The following LRRC4C variants were observed in gnomAD, a reference collection of about 807,000 sequenced individuals.
LRRC4C encodes leucine rich repeat containing 4C, also known as leucine-rich repeat-containing protein 4C.
In LRRC4C, 5 loss-of-function variants were observed where a neutral mutation model predicts 33.6. The observed-to-expected ratio is 0.15, with a 90% CI of 0.08 to 0.31. The LOEUF (loss-of-function observed/expected upper bound fraction) is 0.31. LRRC4C is among the 10% of genes least tolerant of loss of function. LRRC4C has a pLI of 1.00. For synonymous variants in LRRC4C, 329 were observed against 302.0 expected (o/e 1.09, Z -0.93); for missense variants, 560 against 796.7 (o/e 0.70, Z 3.58).
intron 3 of LRRC4C, among the ~76,000 whole-genome samples, chr11:40,439,294 T>C (rs1227379434): frequency 6.6e-6 from 1 of 151,804 alleles, no homozygotes; most frequent in Non-Finnish European, 1.5e-5. Context: ...AAACTAGAAA[T>C]AACAAAGTAG....
intron 2 of LRRC4C, among the ~76,000 whole-genome samples, chr11:40,788,815 C>T (rs1161898700): frequency 1.3e-5 from 2 of 151,980 alleles, no homozygotes; most frequent in African/African-American, 4.8e-5. Flanking sequence ...CATATTAGGC[C>T]GGGCACGGTG....
intron 2 of LRRC4C, among the ~76,000 whole-genome samples, chr11:40,812,237 G>T (rs1023945624): frequency 6.6e-6 from 1 of 152,064 alleles, no homozygotes; most frequent in African/African-American, 2.4e-5. Flanking sequence ...AAGCACATGG[G>T]TTTTCAAATC....
At chr11:41,136,403 A>G (rs1230040718) in intron 1 of LRRC4C, among the ~76,000 whole-genome samples, 2 of 152,294 alleles carry the variant, frequency 1.3e-5, no homozygotes, top group Non-Finnish European at 1.5e-5. Flanking sequence ...GATGAACAAA[A>G]GAGATGGGGA....
At chr11:40,753,705 G>T (rs1456469042) in intron 2 of LRRC4C, among the ~76,000 whole-genome samples, 2 of 151,134 alleles carry the variant, frequency 1.3e-5, no homozygotes, top group African/African-American at 4.9e-5. Flanking sequence ...TTTCCTATTG[G>T]GTATTCTAAA....
At chr11:41,154,349 G>C (rs1431424605) in intron 1 of LRRC4C, among the ~76,000 whole-genome samples, 4 of 152,116 alleles carry the variant, frequency 2.6e-5, no homozygotes, top group African/African-American at 9.6e-5. Context: ...ATCTTCATCT[G>C]TACCACCTCT....
chr11:41,087,553 T>A (rs569511793), intron 1 of LRRC4C, among the ~76,000 whole-genome samples: 3 of 152,094 alleles, frequency 2.0e-5, no homozygotes, highest in Admixed American at 6.6e-5. Flanking sequence ...GGTTTTGAAT[T>A]CCTGGCCTCA....
At chr11:40,636,553 A>G (rs1234991581) in intron 3 of LRRC4C, among the ~76,000 whole-genome samples, 1 of 152,202 alleles carries the variant, frequency 6.6e-6, no homozygotes, top group East Asian at 1.9e-4. Flanking sequence ...AAATGGCACT[A>G]GGATTTAACT....
intron 1 of LRRC4C, among the ~76,000 whole-genome samples, chr11:41,317,668 T>C (rs891653187): frequency 1.3e-5 from 2 of 152,058 alleles, no homozygotes; most frequent in Non-Finnish European, 2.9e-5. Flanking sequence ...GGACCCGTCA[T>C]TTGGAGGAAC....
At chr11:41,162,870 A>G (rs927068091) in intron 1 of LRRC4C, among the ~76,000 whole-genome samples, 2 of 152,306 alleles carry the variant, frequency 1.3e-5, no homozygotes, top group East Asian at 1.9e-4. Context: ...TATTAATTGA[A>G]AAACATCATT....
chr11:41,256,650 T>C (rs1948810778), intron 1 of LRRC4C, among the ~76,000 whole-genome samples: 1 of 152,016 alleles, frequency 6.6e-6, no homozygotes, highest in African/African-American at 2.4e-5. Context: ...TTTTGGACAA[T>C]AGAGGAACAT....
At chr11:40,367,792 A>G (rs1948276478) in intron 3 of LRRC4C, among the ~76,000 whole-genome samples, 1 of 152,070 alleles carries the variant, frequency 6.6e-6, no homozygotes, top group Non-Finnish European at 1.5e-5. Context: ...TTTTCTCCAC[A>G]GCAGTTATCT....
chr11:41,007,698 A>T (rs538553860), intron 1 of LRRC4C, among the ~76,000 whole-genome samples: 37 of 152,284 alleles, frequency 2.4e-4, no homozygotes, highest in South Asian at 2.3e-3. Flanking sequence ...ATAGATTTTT[A>T]AAAATGTAGA....
chr11:41,252,948 A>G (rs1005325395), intron 1 of LRRC4C, among the ~76,000 whole-genome samples: 10 of 152,154 alleles, frequency 6.6e-5, no homozygotes, highest in Admixed American at 1.3e-4. Context: ...CTCCTACAAC[A>G]TGTGGGAATT....
chr11:40,528,090 G>A (rs562073200), intron 3 of LRRC4C, among the ~76,000 whole-genome samples: 1 of 152,136 alleles, frequency 6.6e-6, no homozygotes, highest in South Asian at 2.1e-4. Flanking sequence ...AAGTTTCATG[G>A]GAAGAATATA....
chr11:40,135,544 C>CTGGG (rs1856911306), intron 6 of LRRC4C, among the ~76,000 whole-genome samples: 1 of 152,132 alleles, frequency 6.6e-6, no homozygotes, highest in Admixed American at 6.5e-5. Context: ...CAATAAGGAG[C>CTGGG]TGGGTCCTTA....
At chr11:41,430,788 T>TTG (rs1396249208) in intron 1 of LRRC4C, among the ~76,000 whole-genome samples, 3 of 152,026 alleles carry the variant, frequency 2.0e-5, no homozygotes, top group African/African-American at 7.2e-5. Context: ...ACCTATATTT[T>TTG]TGTGTATATA....
intron 2 of LRRC4C, 85 bp downstream of exon 2, chr11:40,933,550 C>A (rs2136488826): frequency 6.6e-6 from 1 of 152,318 alleles, no homozygotes; most frequent in Non-Finnish European, 1.5e-5. Context: ...ATCTTGCAGC[C>A]TCGCAGTAAA....
At chr11:41,123,261 G>GTTTTTGTT (rs1565404058) in intron 1 of LRRC4C, among the ~76,000 whole-genome samples, 1 of 48,086 alleles carries the variant, frequency 2.1e-5, no homozygotes, top group Admixed American at 3.0e-4. Context: ...GCTATGTTTT[G>GTTTTTGTT]TTTTTTTTTT....
chr11:40,134,138 T>A lies in LRRC4C; in HGVS notation c.-43+6663A>T, dbSNP rs547853357. Among the ~76,000 whole-genome samples the A allele has an allele frequency of 1.1e-3, 166 of 152,280 alleles. 1 individual carries two copies. The Middle Eastern group carries it at 0.017, about 16-fold the overall frequency. On this transcript the variant is annotated intron_variant, in intron 6 of 6. Coordinates refer to ENST00000528697, the MANE Select transcript of LRRC4C (RefSeq NM_001258419.2). ...CAGGCGTGGTGGCACATGCCTGTAG[T>A]CCCAGCTACTTGGGAGGCTGAAGCA...
Sources: gnomAD v4.1 joint callset for allele counts (sites outside exome capture counted in the v4.1 genomes callset) on GRCh38, gnomAD v4.1.1 for gene constraint, MANE v1.5 for transcripts, NCBI Gene and HGNC (gene_info 2026-07-23, HGNC 2026-07-21) for gene names.